The following MYO1E variants were observed in gnomAD, a reference collection of about 807,000 sequenced individuals.
MYO1E encodes the protein unconventional myosin-Ie.
MYO1E carries 68 observed loss-of-function variants against 151.1 expected under a neutral mutation model. The observed-to-expected ratio is 0.45, with a 90% confidence interval of 0.37 to 0.55. The LOEUF is 0.55. Ranked by LOEUF, MYO1E falls within the 20% of genes least tolerant of loss-of-function variation. The pLI is 0.00. For missense variants in MYO1E, 1,363 were observed against 1,389.3 expected (o/e 0.98, Z 0.30); for synonymous variants, 601 against 501.7 (o/e 1.20, Z -2.64).
At chr15:59,369,982 A>G (rs1341132793) in intron 1 of MYO1E, among the ~76,000 whole-genome samples, 1 of 151,718 alleles carries the variant, frequency 6.6e-6, no homozygotes, top group Non-Finnish European at 1.5e-5. Context: ...CTTCTTCTTA[A>G]TATTTTTTAA....
intron 25 of MYO1E, among the ~76,000 whole-genome samples, chr15:59,157,350 A>G (rs2079514937): frequency 1.3e-5 from 2 of 152,126 alleles, no homozygotes; most frequent in South Asian, 4.1e-4. Context: ...TAGAAAACAG[A>G]TTTCTTCTAT....
At chr15:59,317,115 A>G (rs1307103735) in intron 1 of MYO1E, among the ~76,000 whole-genome samples, 4 of 151,688 alleles carry the variant, frequency 2.6e-5, no homozygotes, top group Non-Finnish European at 5.9e-5. Flanking sequence ...TTATCCGTCT[A>G]TCTATCATCC....
Position 59,200,116 on chromosome 15 carries a change from C to T in MYO1E, c.1698+2210G>A, listed in dbSNP as rs184405172. ...TTGAGCCTTCAACCAGACAAGCATA[C>T]GAAGGAAAGAAAGGGGACAAGTCTT... is the stretch of plus-strand genomic sequence containing the variant. On this transcript the variant is annotated intron_variant, in intron 16 of 27. Transcript: ENST00000288235. Among the ~76,000 whole-genome samples, 7 of 152,184 alleles carry T rather than the reference C, an allele frequency of 4.6e-5. No homozygotes were observed. In the East Asian group the frequency reaches 5.8e-4, roughly 13 times the overall value.
At chr15:59,267,523 C>T (rs184883599) in intron 2 of MYO1E, among the ~76,000 whole-genome samples, 234 of 152,316 alleles carry the variant, frequency 1.5e-3, no homozygotes, top group Middle Eastern at 3.4e-3. Context: ...GCTGCCCCTC[C>T]AGTGAACTGG....
At chr15:59,178,570 T>C (rs771708170) in intron 18 of MYO1E, 33 bp from the exon 19 acceptor site, 13 of 1,612,040 alleles carry the variant, frequency 8.1e-6, no homozygotes, top group African/African-American at 1.3e-5. Context: ...AGAATCACAC[T>C]TGGGCGGGAC....
At chr15:59,142,093 T>C (rs576127514) in intron 26 of MYO1E, among the ~76,000 whole-genome samples, 5 of 151,254 alleles carry the variant, frequency 3.3e-5, no homozygotes, top group Non-Finnish European at 7.4e-5. Flanking sequence ...GGAAACGGAG[T>C]GAGACTCCAT....
At chr15:59,307,136 G>A (rs1341123082) in intron 1 of MYO1E, among the ~76,000 whole-genome samples, 1 of 152,180 alleles carries the variant, frequency 6.6e-6, no homozygotes, top group Non-Finnish European at 1.5e-5. Context: ...ATCATTTCCA[G>A]CTTTTATTTA....
intron 1 of MYO1E, among the ~76,000 whole-genome samples, chr15:59,352,443 T>C (rs2080828392): frequency 1.3e-5 from 2 of 152,132 alleles, no homozygotes. Context: ...GCATTTCTAA[T>C]AATATCCCAG....
At chr15:59,326,863 C>T (rs2080667740) in intron 1 of MYO1E, among the ~76,000 whole-genome samples, 1 of 152,236 alleles carries the variant, frequency 6.6e-6, no homozygotes, top group Non-Finnish European at 1.5e-5. Flanking sequence ...GAGTCTACCT[C>T]TTATGGGCTG....
intron 1 of MYO1E, among the ~76,000 whole-genome samples, chr15:59,321,145 C>T (rs2140416807): frequency 6.6e-6 from 1 of 152,288 alleles, no homozygotes; most frequent in East Asian, 1.9e-4. Flanking sequence ...TACAATCTCA[C>T]ACCAGTCAGA....
At chr15:59,181,195 T>G (rs1289088497) in intron 18 of MYO1E, among the ~76,000 whole-genome samples, 1 of 152,188 alleles carries the variant, frequency 6.6e-6, no homozygotes, top group African/African-American at 2.4e-5. Flanking sequence ...ACGCCTTTGC[T>G]GATGAGGCAT....
chr15:59,210,810 G>T (rs1343679727), intron 12 of MYO1E, among the ~76,000 whole-genome samples: 1 of 152,144 alleles, frequency 6.6e-6, no homozygotes, highest in Non-Finnish European at 1.5e-5. Flanking sequence ...TGAACCCTAT[G>T]AAATTATTGC....
intron 4 of MYO1E, among the ~76,000 whole-genome samples, chr15:59,245,659 AATTGAC>A (rs2080125406): frequency 1.3e-5 from 2 of 152,234 alleles, no homozygotes; most frequent in African/African-American, 4.8e-5. Flanking sequence ...GATGCTTTCC[AATTGAC>A]ATCATATTTT....
chr15:59,348,168 G>T (rs1371170869), intron 1 of MYO1E, among the ~76,000 whole-genome samples: 6 of 152,148 alleles, frequency 3.9e-5, no homozygotes, highest in African/African-American at 1.4e-4. Flanking sequence ...AATGCAGGTG[G>T]TAAAACTACC....
At chr15:59,313,021 G>A (rs1335526359) in intron 1 of MYO1E, among the ~76,000 whole-genome samples, 1 of 152,156 alleles carries the variant, frequency 6.6e-6, no homozygotes, top group African/African-American at 2.4e-5. Flanking sequence ...CCCTAAACCT[G>A]CTAAATGAGA....
At chr15:59,344,901 C>T (rs1435745323) in intron 1 of MYO1E, among the ~76,000 whole-genome samples, 1 of 152,210 alleles carries the variant, frequency 6.6e-6, no homozygotes, top group Non-Finnish European at 1.5e-5. Flanking sequence ...ACTAAAAGAC[C>T]AAGAACTCAA....
At chr15:59,311,687 C>A (rs148124244) in intron 1 of MYO1E, among the ~76,000 whole-genome samples, 1 of 152,162 alleles carries the variant, frequency 6.6e-6, no homozygotes, top group Non-Finnish European at 1.5e-5. Flanking sequence ...AACGTGTCTT[C>A]CAAAGTTCAT....
chr15:59,207,124 A>T, intron 14 of MYO1E: 1 of 1,614,178 alleles, frequency 6.2e-7, no homozygotes, highest in Non-Finnish European at 8.5e-7. Context: ...TGAGCGTTTC[A>T]CTTCCGAGAA....
At chr15:59,200,702 A>G (rs1238298531) in intron 16 of MYO1E, among the ~76,000 whole-genome samples, 1 of 152,238 alleles carries the variant, frequency 6.6e-6, no homozygotes, top group Non-Finnish European at 1.5e-5. Context: ...ATGTAGTCAG[A>G]GCATACATAT....
Sources: gnomAD v4.1 joint callset for allele counts (sites outside exome capture counted in the v4.1 genomes callset) on GRCh38, gnomAD v4.1.1 for gene constraint, MANE v1.5 for transcripts, NCBI Gene and HGNC (gene_info 2026-07-23, HGNC 2026-07-21) for gene names.